Variants in PXDNL observed in about 807,000 individuals in gnomAD.
PXDNL encodes the protein peroxidasin like.
A neutral mutation model predicts 150.8 loss-of-function variants in PXDNL; 145 were observed. The observed-to-expected ratio is 0.96, with a 90% CI of 0.84 to 1.10. PXDNL has a LOEUF of 1.10. PXDNL is among the 50% of genes least tolerant of loss of function. PXDNL has a pLI of 0.00. For missense variants in PXDNL, 2,087 were observed against 1,873.9 expected (o/e 1.11, Z -2.10); for synonymous variants, 757 against 725.7 (o/e 1.04, Z -0.69).
At chr8:51,723,157 G>A (rs773014783) in intron 1 of PXDNL, among the ~76,000 whole-genome samples, 3 of 151,940 alleles carry the variant, frequency 2.0e-5, no homozygotes, top group Non-Finnish European at 2.9e-5. Flanking sequence ...GAACATCTGG[G>A]GGAAAAATCT....
intron 4 of PXDNL, among the ~76,000 whole-genome samples, chr8:51,541,678 T>C (rs1812220215): frequency 2.0e-5 from 3 of 152,156 alleles, no homozygotes; most frequent in Admixed American, 1.3e-4. Context: ...CACACTAGGC[T>C]TCCTGAGCCC....
chr8:51,396,310 G>T (rs973732841), intron 17 of PXDNL, among the ~76,000 whole-genome samples: 1 of 152,238 alleles, frequency 6.6e-6, no homozygotes, highest in African/African-American at 2.4e-5. Context: ...CATATGTGCT[G>T]CTGGATGGGG....
chr8:51,376,742 G>A (rs769944689), intron 17 of PXDNL, among the ~76,000 whole-genome samples: 4 of 149,080 alleles, frequency 2.7e-5, no homozygotes, highest in South Asian at 2.1e-4. Context: ...TTTTTTATAC[G>A]GAGTCTTACT....
chr8:51,613,910 C>G (rs1182784431), intron 2 of PXDNL, among the ~76,000 whole-genome samples: 1 of 152,118 alleles, frequency 6.6e-6, no homozygotes, highest in Non-Finnish European at 1.5e-5. Flanking sequence ...CCAAATTATT[C>G]TATTTATGTA....
chr8:51,568,676 T>C (rs540043021), intron 3 of PXDNL, among the ~76,000 whole-genome samples: 1 of 152,042 alleles, frequency 6.6e-6, no homozygotes, highest in South Asian at 2.1e-4. Context: ...CCATTATTAC[T>C]TCAAATGTTT....
chr8:51,385,937 T>G (rs1326975386), intron 17 of PXDNL, among the ~76,000 whole-genome samples: 1 of 152,168 alleles, frequency 6.6e-6, no homozygotes, highest in Non-Finnish European at 1.5e-5. Flanking sequence ...TTAAACCTCT[T>G]TTTCTTTATA....
rs191552502 is a variant in PXDNL, at chr8:51,699,202, A to G, written c.165-44442T>C. Among the ~76,000 whole-genome samples the G allele has an allele frequency of 6.6e-5, 10 of 152,324 alleles. No individual in the cohort carries two copies. In the East Asian group the frequency reaches 1.3e-3, roughly 21 times the overall value. On this transcript the variant is annotated intron_variant, in intron 1 of 22. Coordinates refer to ENST00000356297, the MANE Select transcript of PXDNL (RefSeq NM_144651.5). ...AGGCATTGACTTCTCCTCTCTATCT[A>G]TGAAAGTCCTAGATGGTATTTTCTT...
At chr8:51,508,230 G>C (rs1335161264) in intron 4 of PXDNL, among the ~76,000 whole-genome samples, 1 of 152,216 alleles carries the variant, frequency 6.6e-6, no homozygotes, top group Non-Finnish European at 1.5e-5. Context: ...CACAAGGAAA[G>C]CTAGTGAGAG....
At chr8:51,320,701 T>C (rs1307384005) in intron 22 of PXDNL, 83 bp downstream of exon 22, 4 of 951,048 alleles carry the variant, frequency 4.2e-6, no homozygotes, top group Non-Finnish European at 5.0e-6. Context: ...ATATTTTTTC[T>C]CCTTTTGAAT....
intron 12 of PXDNL, among the ~76,000 whole-genome samples, chr8:51,441,644 C>T (rs183798052): frequency 6.6e-6 from 1 of 152,222 alleles, no homozygotes; most frequent in Admixed American, 6.5e-5. Flanking sequence ...TTTCTGAAGT[C>T]CCTCAGTACT....
intron 2 of PXDNL, among the ~76,000 whole-genome samples, chr8:51,616,745 G>GA (rs1163956239): frequency 6.6e-5 from 10 of 152,292 alleles, no homozygotes; most frequent in African/African-American, 2.4e-4. Context: ...CACATGGTGT[G>GA]AAATTCAACT....
chr8:51,610,582 A>G lies in PXDNL; in HGVS notation c.237-17884T>C, dbSNP rs541031882. ...TATATAACAAATTACCGCCAATTCA[A>G]TTGCTGTAAACAATACTCCTTTATT... On this transcript the variant is annotated intron_variant, in intron 2 of 22. Coordinates refer to ENST00000356297, the MANE Select transcript of PXDNL (RefSeq NM_144651.5). Among the ~76,000 whole-genome samples, 3 of 152,274 alleles carry G rather than the reference A, an allele frequency of 2.0e-5. No individual in the cohort carries two copies. The East Asian group carries it at 5.8e-4, about 29-fold the overall frequency.
At chr8:51,569,188 C>A (rs917917130) in intron 3 of PXDNL, among the ~76,000 whole-genome samples, 13 of 151,688 alleles carry the variant, frequency 8.6e-5, no homozygotes, top group Non-Finnish European at 1.5e-4. Context: ...AATGACGTAT[C>A]CTGTAACAGG....
intron 19 of PXDNL, among the ~76,000 whole-genome samples, chr8:51,348,342 A>C (rs1163164470): frequency 6.6e-6 from 1 of 152,240 alleles, no homozygotes; most frequent in Non-Finnish European, 1.5e-5. Flanking sequence ...GCAAAGAATC[A>C]TGTATATAAC....
chr8:51,568,173 T>C (rs1459387465), intron 3 of PXDNL, among the ~76,000 whole-genome samples: 1 of 149,224 alleles, frequency 6.7e-6, no homozygotes, highest in Non-Finnish European at 1.5e-5. Context: ...AAATAAAAGA[T>C]TATATTTTAC....
intron 20 of PXDNL, 108 bp from the exon 21 acceptor site, chr8:51,339,861 A>G: frequency 6.6e-6 from 7 of 1,056,934 alleles, no homozygotes; most frequent in Non-Finnish European, 9.4e-6. Context: ...AGGCATTGTG[A>G]TTGGTGTTCT....
intron 17 of PXDNL, among the ~76,000 whole-genome samples, chr8:51,393,023 G>A (rs1015784336): frequency 6.6e-6 from 1 of 152,082 alleles, no homozygotes; most frequent in Non-Finnish European, 1.5e-5. Flanking sequence ...CACTGACCAT[G>A]AATTTTACTT....
chr8:51,769,566 T>G (rs1563315758), intron 1 of PXDNL, among the ~76,000 whole-genome samples: 1 of 152,228 alleles, frequency 6.6e-6, no homozygotes, highest in African/African-American at 2.4e-5. Context: ...CATTCTTCAA[T>G]GATGCCCTTT....
intron 4 of PXDNL, among the ~76,000 whole-genome samples, chr8:51,515,404 C>G (rs974991147): frequency 6.6e-5 from 10 of 152,142 alleles, no homozygotes; most frequent in Non-Finnish European, 1.2e-4. Context: ...CCTGATAGTT[C>G]TGGGAAGCTG....
Sources: gnomAD v4.1 joint callset for allele counts (sites outside exome capture counted in the v4.1 genomes callset) on GRCh38, gnomAD v4.1.1 for gene constraint, MANE v1.5 for transcripts, NCBI Gene and HGNC (gene_info 2026-07-23, HGNC 2026-07-21) for gene names.